The following PGBD2 variants were observed in gnomAD, a reference collection of about 807,000 sequenced individuals.
PGBD2 encodes the protein piggyBac transposable element derived 2, also known as piggyBac transposable element-derived protein 2.
In PGBD2, 6 loss-of-function variants were observed where a neutral mutation model predicts 8.1. The observed-to-expected ratio is 0.74, with a 90% CI of 0.40 to 1.46. The LOEUF (loss-of-function observed/expected upper bound fraction) is 1.46. Ranked by LOEUF, PGBD2 falls within the 40% of genes most tolerant of loss-of-function variation. PGBD2 has a pLI of 0.02. For missense variants in PGBD2, 802 were observed against 739.0 expected, an observed-to-expected ratio of 1.09 and a Z score of -0.99; for synonymous variants, 318 against 272.2, an observed-to-expected ratio of 1.17 and a Z score of -1.66.
the PGBD2 span, among the ~76,000 whole-genome samples, chr1:248,876,926 T>A: frequency 6.6e-6 from 1 of 152,232 alleles, no homozygotes; most frequent in South Asian, 2.1e-4. Context: ...ATCTCTGTCA[T>A]TTTGTATGTG....
chr1:248,900,118 C>T, the PGBD2 span, among the ~76,000 whole-genome samples: 1 of 137,792 alleles, frequency 7.3e-6, no homozygotes, highest in Non-Finnish European at 1.5e-5. Flanking sequence ...AAAAAAAAAG[C>T]CCAGGATCAG....
chr1:248,889,380 T>G, the PGBD2 span, among the ~76,000 whole-genome samples: 2 of 151,760 alleles, frequency 1.3e-5, no homozygotes, highest in African/African-American at 4.9e-5. Context: ...GCGAGACTTC[T>G]CCGTCTCAAA....
At chr1:248,905,263 G>C (rs954872488), upstream of PGBD2, among the ~76,000 whole-genome samples, 3 of 151,782 alleles carry the variant, frequency 2.0e-5, no homozygotes, top group Admixed American at 6.6e-5. Context: ...TCAGTGTGGA[G>C]AAGCAAATAC....
chr1:248,879,761 A>C, the PGBD2 span, among the ~76,000 whole-genome samples: 1 of 152,176 alleles, frequency 6.6e-6, no homozygotes, highest in Admixed American at 6.5e-5. Flanking sequence ...TTGATGATTT[A>C]TATAGTTCCT....
At chr1:248,926,237 C>T in the PGBD2 span, among the ~76,000 whole-genome samples, 2 of 152,126 alleles carry the variant, frequency 1.3e-5, no homozygotes, top group Non-Finnish European at 2.9e-5. Context: ...AGACCACCAA[C>T]TTCAGAATAT....
chr1:248,893,701 G>A, the PGBD2 span, among the ~76,000 whole-genome samples: 1 of 152,114 alleles, frequency 6.6e-6, no homozygotes, highest in African/African-American at 2.4e-5. Context: ...CTATCAATGG[G>A]AGTGCAAATA....
the PGBD2 span, among the ~76,000 whole-genome samples, chr1:248,883,582 T>C: frequency 8.5e-5 from 12 of 141,638 alleles, no homozygotes; most frequent in Non-Finnish European, 1.0e-4. Flanking sequence ...TCTTTTTTTT[T>C]TCTTTTTTTT....
chr1:248,907,161 C>G (rs902290334), intron 1 of PGBD2, among the ~76,000 whole-genome samples: 3 of 152,232 alleles, frequency 2.0e-5, no homozygotes, highest in East Asian at 1.9e-4. Context: ...AGGAGGTCAG[C>G]AAAGAAACAT....
intron 1 of PGBD2, among the ~76,000 whole-genome samples, chr1:248,911,256 A>T (rs1418978485): frequency 1.3e-5 from 2 of 150,818 alleles, no homozygotes; most frequent in Non-Finnish European, 3.0e-5. Context: ...TAGGCAGAGG[A>T]CCCTGCAGCC....
chr1:248,881,481 A>G, the PGBD2 span, among the ~76,000 whole-genome samples: 4 of 152,206 alleles, frequency 2.6e-5, no homozygotes, highest in African/African-American at 9.7e-5. Context: ...TTACCTTCCC[A>G]TGTAAAGTTG....
chr1:248,878,071 CAGTA>C, the PGBD2 span, among the ~76,000 whole-genome samples: 1 of 152,048 alleles, frequency 6.6e-6, no homozygotes, highest in Non-Finnish European at 1.5e-5. Flanking sequence ...TTCTCTAGTC[CAGTA>C]AGTATTTCTG....
intron 2 of PGBD2, among the ~76,000 whole-genome samples, chr1:248,915,127 T>C (rs2103113481): frequency 6.6e-6 from 1 of 152,342 alleles, no homozygotes; most frequent in East Asian, 1.9e-4. Context: ...CATTCATTGC[T>C]ACCTGACACC....
chr1:248,925,525 C>T, the PGBD2 span, among the ~76,000 whole-genome samples: 8 of 151,380 alleles, frequency 5.3e-5, no homozygotes, highest in Non-Finnish European at 1.0e-4. Flanking sequence ...AAATTCAAAG[C>T]ATCAGAAGAA....
chr1:248,913,829 G>A lies in PGBD2; in HGVS notation c.-34G>A. 1.3e-6 allele frequency: 2 copies of A among 1,584,892 alleles called. No homozygotes were observed. The highest frequency in any genetic ancestry group is 1.7e-6 in the Non-Finnish European group (2 of 1,153,502). ...CTTGTCTTACAGGTTCTTAGACTCT[G>A]TGAGTAAAGACAGCTTCATCTTCCC... is the stretch of plus-strand genomic sequence containing the variant. On this transcript the variant is annotated 5_prime_UTR_variant, in exon 2 of 3. In the 5' UTR this introduces an upstream ATG that the reference lacks. Coordinates refer to ENST00000329291, the MANE Select transcript of PGBD2 (RefSeq NM_170725.3).
chr1:248,916,642 T>C lies in PGBD2; in HGVS notation c.58T>C (p.Ser20Pro), dbSNP rs763145910. 6.2e-7 allele frequency: 1 copy of C among 1,614,114 alleles called. No homozygotes were observed. Among genetic ancestry groups the C allele is most frequent in the Non-Finnish European group, 8.5e-7 (1 of 1,180,018 alleles). ...AGRGIHSKVK[S>P]AKLLEVLNAM... ...GAGAGGTATCCACTCAAAGGTGAAGTCTGCAAAGCTGCTTGAGGTTCTGAA... is the reference window on the plus strand; with the variant it reads ...GAGAGGTATCCACTCAAAGGTGAAGCCTGCAAAGCTGCTTGAGGTTCTGAA... The change falls in exon 3 of 3, where the codon TCT becomes CCT. Residue 20 changes from serine (S) to proline (P), a missense_variant. Transcript: ENST00000329291.
chr1:248,896,477 C>T, the PGBD2 span, among the ~76,000 whole-genome samples: 1 of 152,044 alleles, frequency 6.6e-6, no homozygotes, highest in African/African-American at 2.4e-5. Context: ...TGGGGTCTTG[C>T]TCTGTCACCT....
the PGBD2 span, among the ~76,000 whole-genome samples, chr1:248,925,301 A>T: frequency 6.6e-6 from 1 of 152,162 alleles, no homozygotes; most frequent in Non-Finnish European, 1.5e-5. Context: ...CTCAGCTGTG[A>T]CCCCGCACTG....
chr1:248,921,625 TTTAG>T (rs967347848), downstream of PGBD2, among the ~76,000 whole-genome samples: 11 of 152,218 alleles, frequency 7.2e-5, no homozygotes, highest in African/African-American at 2.7e-4. Context: ...TATGCTCTTT[TTTAG>T]TTCCACATGA....
chr1:248,888,908 T>C, the PGBD2 span, among the ~76,000 whole-genome samples: 1 of 152,188 alleles, frequency 6.6e-6, no homozygotes, highest in Non-Finnish European at 1.5e-5. Flanking sequence ...TCTTATTTTT[T>C]GTATATGCTG....
Sources: gnomAD v4.1 joint callset for allele counts (sites outside exome capture counted in the v4.1 genomes callset) on GRCh38, gnomAD v4.1.1 for gene constraint, MANE v1.5 for transcripts, NCBI Gene and HGNC (gene_info 2026-07-23, HGNC 2026-07-21) for gene names.